The following TM4SF18 variants were observed in gnomAD, a reference collection of about 807,000 sequenced individuals.
The protein encoded by TM4SF18 is transmembrane 4 L6 family member 18.
TM4SF18 carries 22 observed loss-of-function variants against 23.8 expected under a neutral mutation model. That is an observed-to-expected ratio of 0.92 (90% CI 0.66 to 1.32). TM4SF18 has a LOEUF of 1.32. TM4SF18 is among the 40% of genes most tolerant of loss of function. The probability of loss-of-function intolerance (pLI) is 0.00; values close to 1 mark genes in which losing one functional copy is unlikely to be tolerated. For synonymous variants in TM4SF18, 87 were observed against 87.9 expected (o/e 0.99, Z 0.06); for missense variants, 255 against 240.3 (o/e 1.06, Z -0.41).
intron 3 of TM4SF18, chr3:149,330,125 C>T (rs1731057272): frequency 2.7e-6 from 1 of 376,236 alleles, no homozygotes; most frequent in Non-Finnish European, 4.8e-6. Context: ...TCTTTAAATG[C>T]TGATTTTCTG....
At position 149,321,520 on chromosome 3, in the gene TM4SF18, A is replaced by G. The variant is rs369431401; in HGVS notation, c.592-28T>C. 8 of 1,540,528 alleles carry G rather than the reference A, an allele frequency of 5.2e-6. No homozygotes were observed. In the African/African-American group the frequency reaches 9.6e-5, roughly 19 times the overall value. ...ATAGGAAAAAAGGAAAAACAAAGTG[A>G]TTAAAGTTATAAACTTGGCTTGATT... On this transcript the variant is annotated intron_variant, in intron 5 of 5. Coordinates refer to ENST00000296059, the MANE Select transcript of TM4SF18 (RefSeq NM_138786.4).
At chr3:149,324,021 G>A (rs888468402) in intron 4 of TM4SF18, among the ~76,000 whole-genome samples, 4 of 152,152 alleles carry the variant, frequency 2.6e-5, no homozygotes, top group Non-Finnish European at 4.4e-5. Context: ...AGATGGACAT[G>A]GGCCTTGAAC....
In TM4SF18 at chr3:149,330,941, G is replaced by A. The variant is rs72992052; in HGVS notation, c.178-522C>T. On this transcript the variant is annotated intron_variant, in intron 2 of 5. Transcript: ENST00000296059. The stretch of plus-strand genomic sequence containing the variant: ...TCCCCATGCATTCAAACCATCTCAG[G>A]TTTAAATTGTTTCAATGTGTTTTGT... Among the ~76,000 whole-genome samples the A allele has an allele frequency of 5.4e-3, 820 of 152,248 alleles. 7 individuals are homozygous for A. The highest frequency in any genetic ancestry group is 0.019 in the African/African-American group (799 of 41,526).
intron 3 of TM4SF18, 111 bp downstream of exon 3, chr3:149,330,219 T>C (rs1276896297): frequency 6.4e-6 from 4 of 620,834 alleles, no homozygotes; most frequent in Non-Finnish European, 1.1e-5. Context: ...ATCTCTGTAC[T>C]GTACTCAACA....
intron 2 of TM4SF18, among the ~76,000 whole-genome samples, chr3:149,332,718 G>A (rs1731112024): frequency 6.6e-6 from 1 of 152,126 alleles, no homozygotes; most frequent in Non-Finnish European, 1.5e-5. Context: ...GAGGCTCAAA[G>A]ATACTGAGTA....
chr3:149,332,448 A>C (rs1303734008), intron 2 of TM4SF18, among the ~76,000 whole-genome samples: 1 of 152,072 alleles, frequency 6.6e-6, no homozygotes, highest in Non-Finnish European at 1.5e-5. Context: ...CAGTTTGTTT[A>C]TTTTTAAAGA....
rs1553772228 is a variant in TM4SF18, at chr3:149,333,482, C to CTTTTT, written c.-18+26_-18+30dup. 1,220 of 236,502 alleles carry CTTTTT rather than the reference C, an allele frequency of 5.2e-3. 1 individual carries two copies. The highest frequency in any genetic ancestry group is 6.7e-3 in the Middle Eastern group (6 of 902). The allele number at this position is 236,502 out of a possible 1,614,324, so 14.7% of individuals were successfully genotyped here. ...TGACCTTTTTTTTCTCTCTCTCTCTCTTTTTTTTTTTTTTTTTTGAGATTA... is the reference window on the plus strand; with the variant it reads ...TGACCTTTTTTTTCTCTCTCTCTCTCTTTTTTTTTTTTTTTTTTTTTTTGAGATTA... On this transcript the variant is annotated intron_variant, in intron 1 of 5. Coordinates refer to ENST00000296059, the MANE Select transcript of TM4SF18 (RefSeq NM_138786.4).
chr3:149,325,712 C>A (rs1730929159), intron 3 of TM4SF18, among the ~76,000 whole-genome samples: 1 of 152,136 alleles, frequency 6.6e-6, no homozygotes, highest in African/African-American at 2.4e-5. Flanking sequence ...CAATTCAGCC[C>A]TTGAGTAGCT....
intron 3 of TM4SF18, among the ~76,000 whole-genome samples, chr3:149,327,655 A>G (rs1730983732): frequency 6.6e-6 from 1 of 152,220 alleles, no homozygotes; most frequent in Non-Finnish European, 1.5e-5. Flanking sequence ...GACCAGAAAA[A>G]GTAAGACCAA....
At chr3:149,322,523 C>T in intron 4 of TM4SF18, 87 bp from the exon 5 acceptor site, 1 of 1,102,866 alleles carries the variant, frequency 9.1e-7, no homozygotes, top group Non-Finnish European at 1.3e-6. Flanking sequence ...TACTGTATAA[C>T]TAAAATATAT....
intron 3 of TM4SF18, among the ~76,000 whole-genome samples, chr3:149,328,224 C>T (rs1053717578): frequency 6.6e-6 from 1 of 152,102 alleles, no homozygotes; most frequent in Non-Finnish European, 1.5e-5. Context: ...AGTCCAAGAT[C>T]ACTGGCAGAT....
At chr3:149,327,466 G>GA (rs11294221) in intron 3 of TM4SF18, among the ~76,000 whole-genome samples, 8,863 of 139,332 alleles carry the variant, frequency 0.064, 279 homozygotes, top group Non-Finnish European at 0.074. Flanking sequence ...AGCTGGAGAT[G>GA]AAAAAAAAAA....
Position 149,333,590 on chromosome 3 carries a change from C to A in TM4SF18, c.-95G>T. On this transcript the variant is annotated 5_prime_UTR_variant, in exon 1 of 6. Transcript: ENST00000296059. Reference sequence around the variant, plus strand: ...GGAATATACCCGCAGCCGACAATCTCAGTGTGAAATACTGGTTTACTGTTT... The same window carrying A: ...GGAATATACCCGCAGCCGACAATCTAAGTGTGAAATACTGGTTTACTGTTT... 2.4e-6 allele frequency: 1 copy of A among 425,104 alleles called. No individual in the cohort carries two copies. The highest frequency in any genetic ancestry group is 2.1e-5 in the African/African-American group (1 of 48,456). 26.3% of individuals were successfully genotyped at this position (425,104 alleles called of 1,614,324 possible). A position where few individuals can be genotyped will look rare whatever the true frequency, so the allele number is the denominator to read the frequency against.
chr3:149,325,711 C>T (rs1484180411), intron 3 of TM4SF18, among the ~76,000 whole-genome samples: 1 of 152,086 alleles, frequency 6.6e-6, no homozygotes, highest in Non-Finnish European at 1.5e-5. Flanking sequence ...ACAATTCAGC[C>T]CTTGAGTAGC....
At position 149,321,460 on chromosome 3, in the gene TM4SF18, A is replaced by G. The variant is rs1442156189; in HGVS notation, c.*18T>C. 6.4e-7 allele frequency: 1 copy of G among 1,560,674 alleles called. No individual in the cohort carries two copies. Among genetic ancestry groups the G allele is most frequent in the Non-Finnish European group, 8.7e-7 (1 of 1,144,746 alleles). On this transcript the variant is annotated 3_prime_UTR_variant, in exon 6 of 6. Transcript: ENST00000296059. ...ATAGATGGCCATGTCTTGATAATGG[A>G]AAACATTTTGTCCTTATTCAAATGA...
chr3:149,326,284 T>C (rs1337641811), intron 3 of TM4SF18, among the ~76,000 whole-genome samples: 1 of 152,218 alleles, frequency 6.6e-6, no homozygotes, highest in East Asian at 1.9e-4. Context: ...CTTGTAGATG[T>C]CTCACATTCT....
At chr3:149,324,753 G>A in intron 4 of TM4SF18, 127 bp downstream of exon 4, 2 of 1,207,026 alleles carry the variant, frequency 1.7e-6, no homozygotes, top group Non-Finnish European at 2.3e-6. Context: ...TAAACTAACA[G>A]GGAAATTCTG....
rs1576829729 is a variant in TM4SF18, at chr3:149,321,261, A to G, written c.*217T>C. The G allele has an allele frequency of 2.5e-6, 1 of 395,122 alleles. No individual in the cohort carries two copies. The highest frequency in any genetic ancestry group is 3.8e-5 in the East Asian group (1 of 26,466). 24.5% of individuals were successfully genotyped at this position (395,122 alleles called of 1,614,324 possible). ...AAATGGATTTGTTTGATCAAAGGGC[A>G]GAAGTATTTCTGAAGTTTCTGATGC... On this transcript the variant is annotated 3_prime_UTR_variant, in exon 6 of 6. Transcript: ENST00000296059.
In TM4SF18 at chr3:149,322,342, T is replaced by A. The variant is rs762092819; in HGVS notation, c.505A>T (p.Ser169Cys). 6.2e-7 allele frequency: 1 copy of A among 1,614,036 alleles called. No individual in the cohort carries two copies. The highest frequency in any genetic ancestry group is 1.1e-5 in the South Asian group (1 of 91,076). ...IILFSILITL[S>C]GLQVIICLIR... ...AGGCAGATGATCACTTGAAGCCCACTGAGGGTTATGAGAATGGAAAATAAA... is the reference window on the plus strand; with the variant it reads ...AGGCAGATGATCACTTGAAGCCCACAGAGGGTTATGAGAATGGAAAATAAA... Residue 169 changes from serine to cysteine, a missense_variant, in exon 5 of 6, where the codon AGT (serine) becomes TGT (cysteine). Transcript: ENST00000296059.
Sources: gnomAD v4.1 joint callset for allele counts (sites outside exome capture counted in the v4.1 genomes callset) on GRCh38, gnomAD v4.1.1 for gene constraint, MANE v1.5 for transcripts, NCBI Gene and HGNC (gene_info 2026-07-23, HGNC 2026-07-21) for gene names.